The following EIF4G3 variants were observed in gnomAD, a reference collection of about 807,000 sequenced individuals.
EIF4G3 encodes the protein eukaryotic translation initiation factor 4 gamma 3, also known as eIF-4-gamma 3.
A neutral mutation model predicts 186.4 loss-of-function variants in EIF4G3; 34 were observed. That is an observed-to-expected ratio of 0.18 (90% CI 0.14 to 0.24). The LOEUF (loss-of-function observed/expected upper bound fraction) is 0.24. EIF4G3 is among the 10% of genes least tolerant of loss of function. The pLI, the probability that EIF4G3 is intolerant of heterozygous loss-of-function variation, is 1.00. For missense variants in EIF4G3, 1,536 were observed against 1,948.5 expected, an observed-to-expected ratio of 0.79 and a Z score of 3.99; for synonymous variants, 673 against 679.5, an observed-to-expected ratio of 0.99 and a Z score of 0.15.
chr1:20,874,486 G>A (rs1476699872), intron 20 of EIF4G3, among the ~76,000 whole-genome samples: 6 of 152,042 alleles, frequency 3.9e-5, no homozygotes, highest in Non-Finnish European at 1.5e-5. Context: ...GAGAAGTGCT[G>A]TCATTGATTA....
At chr1:21,033,814 G>A (rs139087319) in intron 4 of EIF4G3, among the ~76,000 whole-genome samples, 184 of 152,280 alleles carry the variant, frequency 1.2e-3, no homozygotes, top group Non-Finnish European at 2.2e-3. Flanking sequence ...AAGGCCACGC[G>A]TGATAGCTTA....
At chr1:21,072,707 T>C (rs550202017) in intron 3 of EIF4G3, among the ~76,000 whole-genome samples, 2 of 152,358 alleles carry the variant, frequency 1.3e-5, no homozygotes, top group East Asian at 1.9e-4. Context: ...TAGCCTTTAA[T>C]ATTTTTTAAA....
chr1:20,828,587 T>C (rs2064261029), intron 31 of EIF4G3, among the ~76,000 whole-genome samples: 1 of 152,324 alleles, frequency 6.6e-6, no homozygotes, highest in East Asian at 1.9e-4. Flanking sequence ...GACATGACCA[T>C]GTGCAAAGTT....
chr1:21,104,357 G>A (rs1306575702), intron 2 of EIF4G3, among the ~76,000 whole-genome samples: 1 of 152,062 alleles, frequency 6.6e-6, no homozygotes, highest in Non-Finnish European at 1.5e-5. Flanking sequence ...CAGACCAAAA[G>A]TCAGTAAACA....
chr1:21,114,937 AG>A (rs1381687633), intron 2 of EIF4G3, among the ~76,000 whole-genome samples: 1 of 152,188 alleles, frequency 6.6e-6, no homozygotes, highest in Non-Finnish European at 1.5e-5. Flanking sequence ...CTGAGGCAAA[AG>A]GAACACTTAA....
intron 6 of EIF4G3, among the ~76,000 whole-genome samples, chr1:20,998,044 TTTACA>T (rs1023690055): frequency 1.3e-5 from 2 of 152,016 alleles, no homozygotes; most frequent in Admixed American, 6.6e-5. Context: ...TGAGAAAGCT[TTTACA>T]TTACAAGACC....
intron 12 of EIF4G3, among the ~76,000 whole-genome samples, chr1:20,954,542 A>AG (rs2096345425): frequency 1.3e-5 from 2 of 149,142 alleles, no homozygotes; most frequent in Non-Finnish European, 1.5e-5. Context: ...CTCAAAAAAA[A>AG]AAAAAAAAAA....
intron 17 of EIF4G3, 25 bp downstream of exon 17, chr1:20,895,343 A>G (rs141483630): frequency 5.0e-6 from 8 of 1,602,884 alleles, no homozygotes; most frequent in Non-Finnish European, 6.8e-6. Context: ...AAAAAGAACT[A>G]GTTTTCTCTG....
chr1:20,898,315 C>A (rs774294759), intron 16 of EIF4G3, among the ~76,000 whole-genome samples: 1 of 151,678 alleles, frequency 6.6e-6, no homozygotes, highest in East Asian at 1.9e-4. Context: ...CATAGTGAGA[C>A]CCTCCCTCTG....
Position 20,849,462 on chromosome 1 carries a change from T to G in EIF4G3, c.3841A>C (p.Lys1281Gln), listed in dbSNP as rs146529769. 6.4e-7 allele frequency: 1 copy of G among 1,564,564 alleles called. No individual in the cohort carries two copies. The highest frequency in any genetic ancestry group is 8.6e-7 in the Non-Finnish European group (1 of 1,159,686). Residue 1281 changes from lysine to glutamine, a missense_variant, in exon 29 of 37, where the codon AAG becomes CAG. Lys to Gln is a moderately conservative substitution (Grantham distance 53). Transcript: ENST00000602326. ...AATTCATCAATGATAGATTTCGACT[T>G]CCTCTCCAGTTCCTCTTCTGATAAT... ...AALSEEELER[K>Q]SKSIIDEFLH...
At chr1:20,834,028 T>A (rs1021811312) in intron 30 of EIF4G3, among the ~76,000 whole-genome samples, 7 of 152,194 alleles carry the variant, frequency 4.6e-5, no homozygotes, top group Non-Finnish European at 8.8e-5. Context: ...TTGAAAGTGG[T>A]ATTGTCAAAA....
intron 7 of EIF4G3, among the ~76,000 whole-genome samples, chr1:20,982,684 G>C (rs183027311): frequency 6.6e-6 from 1 of 152,278 alleles, no homozygotes; most frequent in African/African-American, 2.4e-5. Context: ...TTATAGTAGT[G>C]TGCAAGGAAA....
intron 3 of EIF4G3, among the ~76,000 whole-genome samples, chr1:21,067,135 T>TC (rs1041489960): frequency 6.1e-5 from 9 of 148,326 alleles, no homozygotes; most frequent in Non-Finnish European, 1.3e-4. Context: ...TCTTTTCTTT[T>TC]TTTTTTTTTT....
At position 21,030,900 on chromosome 1, in the gene EIF4G3, G is replaced by A. The variant is rs2092681623; in HGVS notation, c.-67+19966C>T. Among the ~76,000 whole-genome samples the A allele has an allele frequency of 2.0e-5, 3 of 152,212 alleles. No homozygotes were observed. In the South Asian group the frequency reaches 6.2e-4, roughly 32 times the overall value. On this transcript the variant is annotated intron_variant, in intron 4 of 36. Transcript: ENST00000602326. ...GAGGCAAAGAATGGGAAGAAAAAAG[G>A]ATCAGCCGGGTGTGGTGGCTCATGC...
intron 29 of EIF4G3, among the ~76,000 whole-genome samples, chr1:20,843,048 AG>A (rs2069284454): frequency 6.6e-6 from 1 of 151,928 alleles, no homozygotes; most frequent in Non-Finnish European, 1.5e-5. Flanking sequence ...TATCTTGCCC[AG>A]GCTGGTCTCA....
chr1:20,861,967 C>T (rs2076458773), intron 23 of EIF4G3, among the ~76,000 whole-genome samples: 2 of 150,650 alleles, frequency 1.3e-5, no homozygotes, highest in Admixed American at 1.3e-4. Flanking sequence ...GAGTGAGACT[C>T]TATCTCAAAA....
At chr1:21,057,981 A>G (rs1285345465) in intron 3 of EIF4G3, among the ~76,000 whole-genome samples, 1 of 152,234 alleles carries the variant, frequency 6.6e-6, no homozygotes, top group Non-Finnish European at 1.5e-5. Context: ...TTTAAGGTAG[A>G]CCATAAAGAT....
intron 15 of EIF4G3, among the ~76,000 whole-genome samples, chr1:20,901,177 A>G (rs1230750514): frequency 2.6e-5 from 4 of 152,182 alleles, no homozygotes; most frequent in African/African-American, 9.6e-5. Context: ...GACAGACATA[A>G]TATTCCAAAA....
At chr1:20,895,807 CAA>C (rs759973480) in intron 16 of EIF4G3, among the ~76,000 whole-genome samples, 3 of 152,144 alleles carry the variant, frequency 2.0e-5, no homozygotes, top group Non-Finnish European at 4.4e-5. Flanking sequence ...TTCATAGTAA[CAA>C]GAAATAACTA....
Sources: allele counts gnomAD v4.1 joint callset (sites outside exome capture counted in the v4.1 genomes callset), GRCh38; gene constraint gnomAD v4.1.1; transcripts MANE v1.5; gene names NCBI Gene and HGNC (gene_info 2026-07-23, HGNC 2026-07-21).